The following PPARA variants were observed in gnomAD, a reference collection of about 807,000 sequenced individuals.
PPARA encodes peroxisome proliferator-activated receptor alpha.
PPARA carries 22 observed loss-of-function variants against 42.2 expected under a neutral mutation model. The ratio of observed to expected loss-of-function variants is 0.52; its 90% confidence interval spans 0.37 to 0.74. PPARA has a LOEUF of 0.74. PPARA is among the 30% of genes least tolerant of loss of function. The pLI is 0.00. For synonymous variants in PPARA, 242 were observed against 239.3 expected (o/e 1.01, Z -0.10); for missense variants, 465 against 608.2 (o/e 0.76, Z 2.48).
Position 46,239,460 on chromosome 22 carries a change from C to T in PPARA, c.*4080C>T, listed in dbSNP as rs907641813. 3 of 150,146 alleles carry T rather than the reference C, an allele frequency of 2.0e-5. No homozygotes were observed. The highest frequency in any genetic ancestry group is 6.7e-5 in the Admixed American group (1 of 14,944). The allele number at this position is 150,146 out of a possible 1,614,324, so 9.3% of individuals were successfully genotyped here. On this transcript the variant is annotated 3_prime_UTR_variant, in exon 9 of 9. Coordinates refer to ENST00000407236, the MANE Select transcript of PPARA (RefSeq NM_005036.6). The stretch of plus-strand genomic sequence containing the variant: ...GGGATGGAGACTCCTTGAGTGCACA[C>T]ACCTGAGCCTGCCCACACACAGGGG...
At chr22:46,153,723 G>T (rs557435617) in intron 2 of PPARA, among the ~76,000 whole-genome samples, 10 of 152,218 alleles carry the variant, frequency 6.6e-5, no homozygotes, top group Admixed American at 2.0e-4. Flanking sequence ...GCTGGGCATG[G>T]TGGCGGGTGC....
At chr22:46,177,720 G>C (rs1929366060) in intron 3 of PPARA, among the ~76,000 whole-genome samples, 1 of 151,978 alleles carries the variant, frequency 6.6e-6, no homozygotes, top group South Asian at 2.1e-4. Context: ...AGAACCTCAG[G>C]CGTGTACCCG....
Position 46,165,382 on chromosome 22 carries a change from T to G in PPARA, c.-126-11371T>G, listed in dbSNP as rs767278486. 2.0e-5 allele frequency: 3 copies of G among 152,228 alleles called. No individual in the cohort carries two copies. The highest frequency in any genetic ancestry group is 2.9e-5 in the Non-Finnish European group (2 of 68,070). The allele number at this position is 152,228 out of a possible 1,614,324, so 9.4% of individuals were successfully genotyped here. On this transcript the variant is annotated intron_variant, in intron 2 of 8. Coordinates refer to ENST00000407236, the MANE Select transcript of PPARA (RefSeq NM_005036.6). This position sits in a 1 kb window ranked among gnomAD's most constrained non-coding sequence, Gnocchi z 5.5. ...GTGGCTCAGTAGTTTGGAAGTTAACTGGCAAAGGTGGACAGAATCTTTAAA... is the reference window on the plus strand; with the variant it reads ...GTGGCTCAGTAGTTTGGAAGTTAACGGGCAAAGGTGGACAGAATCTTTAAA...
chr22:46,166,377 G>A (rs543963451), intron 2 of PPARA, among the ~76,000 whole-genome samples: 1 of 152,332 alleles, frequency 6.6e-6, no homozygotes, highest in South Asian at 2.1e-4. Flanking sequence ...CAGCACTTTG[G>A]GAGGCTGAGG....
At chr22:46,194,214 A>T (rs1398235808) in intron 3 of PPARA, among the ~76,000 whole-genome samples, 1 of 152,250 alleles carries the variant, frequency 6.6e-6, no homozygotes, top group Non-Finnish European at 1.5e-5. Context: ...GTATACAGCC[A>T]GTCCCTCTGG....
intron 6 of PPARA, among the ~76,000 whole-genome samples, chr22:46,218,868 G>T (rs1160976010): frequency 7.1e-6 from 1 of 140,268 alleles, no homozygotes; most frequent in Non-Finnish European, 1.5e-5. Context: ...AAGAAAGAAA[G>T]AAAATAAAAG....
rs201465094 is a variant in PPARA at position 46,180,194 on chromosome 22, CT to C, written c.-43+3372del. Among the ~76,000 whole-genome samples the C allele has an allele frequency of 1.7e-3, 243 of 140,242 alleles. 1 individual carries two copies. The highest frequency in any genetic ancestry group is 1.8e-3 in the Non-Finnish European group (114 of 64,348). 92.0% of individuals were successfully genotyped at this position (140,242 alleles called of 152,430 possible). On this transcript the variant is annotated intron_variant, in intron 3 of 8. Coordinates refer to ENST00000407236, the MANE Select transcript of PPARA (RefSeq NM_005036.6). This position sits in a 1 kb window ranked among gnomAD's most constrained non-coding sequence, Gnocchi z 4.2. ...ACATTGAAAAACAGGTTGGCAGTTGCTTTTTTTTTTTTTTGAGATGGAGTCT... is the reference window on the plus strand; with the variant it reads ...ACATTGAAAAACAGGTTGGCAGTTGCTTTTTTTTTTTTTGAGATGGAGTCT...
Position 46,242,261 on chromosome 22 carries a change from A to G in PPARA, c.*6881A>G, listed in dbSNP as rs45511001. On this transcript the variant is annotated 3_prime_UTR_variant, in exon 9 of 9. Transcript: ENST00000407236. The surrounding 1 kb of genome is among the most constrained non-coding windows in gnomAD (Gnocchi z 6.1). ...GGACACAGTCGGGCACCTTCCCCGG[A>G]CCCCCAGGCCTTGGCTGTGCCTCAA... The G allele has an allele frequency of 0.023, 3,574 of 152,460 alleles. 72 individuals carry two copies. The highest frequency in any genetic ancestry group is 0.037 in the Non-Finnish European group (2,530 of 67,974). 9.4% of individuals were successfully genotyped at this position (152,460 alleles called of 1,614,324 possible). A position where few individuals can be genotyped will look rare whatever the true frequency, so the allele number is the denominator to read the frequency against.
intron 4 of PPARA, among the ~76,000 whole-genome samples, chr22:46,205,545 TA>T (rs1569226185): frequency 1.0e-3 from 37 of 35,306 alleles, no homozygotes; most frequent in Non-Finnish European, 1.8e-3. Context: ...TATATATATA[TA>T]TATATATATT....
chr22:46,153,372 T>C (rs961150441), intron 2 of PPARA, among the ~76,000 whole-genome samples: 1 of 151,986 alleles, frequency 6.6e-6, no homozygotes, highest in East Asian at 2.0e-4. Flanking sequence ...TTTCACCATG[T>C]TGGCTGGGCT....
At position 46,161,537 on chromosome 22, in the gene PPARA, G is replaced by C. The variant is rs1286552716; in HGVS notation, c.-127+9567G>C. On this transcript the variant is annotated intron_variant, in intron 2 of 8. Coordinates refer to ENST00000407236, the MANE Select transcript of PPARA (RefSeq NM_005036.6). This position sits in a 1 kb window ranked among gnomAD's most constrained non-coding sequence, Gnocchi z 4.8. ...GGAGGCGGAGGCTGCAGTGAACCAA[G>C]ATTGTGCCACTGCACTCCAGCCTGG... Among the ~76,000 whole-genome samples, 1 of 152,128 alleles carries C rather than the reference G, an allele frequency of 6.6e-6. No individual in the cohort carries two copies. Among genetic ancestry groups the C allele is most frequent in the Non-Finnish European group, 1.5e-5 (1 of 68,028 alleles).
Position 46,215,167 on chromosome 22 carries a change from C to T in PPARA, c.209-6C>T, listed in dbSNP as rs1309802488. On this transcript the variant is annotated splice_region_variant and splice_polypyrimidine_tract_variant and intron_variant, in intron 4 of 8. Transcript: ENST00000407236. ...CTATTCATCCGTCTCTCCTCTTTTT[C>T]CCCAGACACGCTTTCACCAGCTTCG... 2 of 1,613,562 alleles carry T rather than the reference C, an allele frequency of 1.2e-6. No homozygotes were observed. The highest frequency in any genetic ancestry group is 1.1e-5 in the South Asian group (1 of 91,042).
Position 46,231,881 on chromosome 22 carries a change from G to A in PPARA, c.801G>A (p.Glu267=). ...KLVANGIQNK[E]AEVRIFHCCQ... ...TGGCCAATGGCATCCAGAACAAGGA[G>A]GCGGAGGTCCGCATCTTTCACTGCT... Residue 267 remains glutamate (E), a synonymous_variant, in exon 8 of 9, where the codon GAG becomes GAA. Transcript: ENST00000407236. This position sits in a 1 kb window ranked among gnomAD's most constrained non-coding sequence, Gnocchi z 7.7. 2 of 1,614,156 alleles carry A rather than the reference G, an allele frequency of 1.2e-6. No homozygotes were observed. Among genetic ancestry groups the A allele is most frequent in the South Asian group, 1.1e-5 (1 of 91,092 alleles).
At chr22:46,218,850 G>GAAAA (rs972661317) in intron 6 of PPARA, among the ~76,000 whole-genome samples, 2 of 113,062 alleles carry the variant, frequency 1.8e-5, no homozygotes, top group African/African-American at 1.0e-4. Flanking sequence ...AAAAAAAAAA[G>GAAAA]AAAAAGAAAG....
rs398037349 is a variant in PPARA at position 46,198,237 on chromosome 22, C to CAAAAAAAAAA, written c.-42-98_-42-89dup. ...TGGGCAACAGACTGAGACTCTGTCT[C>CAAAAAAAAAA]AAAAAAAAAAAAAAAAGAATAAATA... On this transcript the variant is annotated intron_variant, in intron 3 of 8. Coordinates refer to ENST00000407236, the MANE Select transcript of PPARA (RefSeq NM_005036.6). 321 of 190,096 alleles carry CAAAAAAAAAA rather than the reference C, an allele frequency of 1.7e-3. 3 individuals carry two copies. The highest frequency in any genetic ancestry group is 3.0e-3 in the African/African-American group (60 of 20,046). The allele number at this position is 190,096 out of a possible 1,614,324, so 11.8% of individuals were successfully genotyped here. A position where few individuals can be genotyped will look rare whatever the true frequency, so the allele number is the denominator to read the frequency against.
In PPARA at chr22:46,233,604, A is replaced by G. The variant is rs1045840908; in HGVS notation, c.1159+1365A>G. On this transcript the variant is annotated intron_variant, in intron 8 of 8. Coordinates refer to ENST00000407236, the MANE Select transcript of PPARA (RefSeq NM_005036.6). The surrounding 1 kb of genome is among the most constrained non-coding windows in gnomAD (Gnocchi z 7.3). The stretch of plus-strand genomic sequence containing the variant: ...GGCATAAAGTGTACAAAGACAAAGC[A>G]GTTATGCATAATTTGTCCTTTAGTA... Among the ~76,000 whole-genome samples the G allele has an allele frequency of 2.6e-5, 4 of 152,258 alleles. No individual in the cohort carries two copies. The highest frequency in any genetic ancestry group is 4.4e-5 in the Non-Finnish European group (3 of 68,048).
intron 2 of PPARA, among the ~76,000 whole-genome samples, chr22:46,159,920 C>T (rs1356454282): frequency 6.6e-6 from 1 of 152,194 alleles, no homozygotes; most frequent in Non-Finnish European, 1.5e-5. Context: ...GTGAATTCCT[C>T]CGAAGCCAAG....
rs934813452 is a variant in PPARA at position 46,224,528 on chromosome 22, G to A, written c.711+4514G>A. On this transcript the variant is annotated intron_variant, in intron 7 of 8. Coordinates refer to ENST00000407236, the MANE Select transcript of PPARA (RefSeq NM_005036.6). The surrounding 1 kb of genome is among the most constrained non-coding windows in gnomAD (Gnocchi z 5.7). The stretch of plus-strand genomic sequence containing the variant: ...GCCCAGTGGCCCACATGCGGTCGCC[G>A]TTTCATCAGTTTCCAGCCTGGGTGA... Among the ~76,000 whole-genome samples the A allele has an allele frequency of 2.6e-5, 4 of 152,136 alleles. No individual in the cohort carries two copies. The highest frequency in any genetic ancestry group is 7.2e-5 in the African/African-American group (3 of 41,442).
rs1934846644 is a variant in PPARA at position 46,219,782 on chromosome 22, C to A, written c.509-30C>A. The A allele has an allele frequency of 6.2e-7, 1 of 1,611,412 alleles. No homozygotes were observed. The highest frequency in any genetic ancestry group is 1.3e-5 in the African/African-American group (1 of 74,866). On this transcript the variant is annotated intron_variant, in intron 6 of 8. Coordinates refer to ENST00000407236, the MANE Select transcript of PPARA (RefSeq NM_005036.6). This position sits in a 1 kb window ranked among gnomAD's most constrained non-coding sequence, Gnocchi z 4.8. ...TCCGCGCAGTCATGACCTCACTGCT[C>A]ATGCCTGTGTTTCCCCCTCCAAACC...
Sources: allele counts gnomAD v4.1 joint callset (sites outside exome capture counted in the v4.1 genomes callset), GRCh38; gene constraint gnomAD v4.1.1; non-coding constraint Gnocchi (gnomAD v3.1); transcripts MANE v1.5; gene names NCBI Gene and HGNC (gene_info 2026-07-23, HGNC 2026-07-21).